Variants in DGKG observed in about 807,000 individuals in gnomAD.
DGKG encodes the protein DAG kinase gamma.
Under a neutral mutation model 105.3 loss-of-function variants are expected in DGKG, and 78 were observed. The observed-to-expected ratio is 0.74, with a 90% CI of 0.62 to 0.89. The LOEUF (loss-of-function observed/expected upper bound fraction) is 0.89. Among genes scored for constraint, DGKG ranks in the 40% least tolerant of loss-of-function variants. The probability of loss-of-function intolerance (pLI) is 0.00; values close to 1 mark genes in which losing one functional copy is unlikely to be tolerated. For missense variants in DGKG, 958 were observed against 1,020.1 expected (o/e 0.94, Z 0.83); for synonymous variants, 346 against 367.1 (o/e 0.94, Z 0.66).
chr3:186,268,495 C>A (rs1722161631), intron 12 of DGKG, among the ~76,000 whole-genome samples: 1 of 152,160 alleles, frequency 6.6e-6, no homozygotes, highest in Non-Finnish European at 1.5e-5. Context: ...AGGTGATAGC[C>A]AGGTAAAAGA....
chr3:186,280,112 C>T (rs1224084993), intron 8 of DGKG, 139 bp from the exon 9 acceptor site: 2 of 1,158,016 alleles, frequency 1.7e-6, no homozygotes, highest in Non-Finnish European at 2.5e-6. Context: ...GTGAATAGAG[C>T]AGACTGGGAG....
At chr3:186,277,994 A>C (rs538049820) in intron 9 of DGKG, among the ~76,000 whole-genome samples, 16 of 152,290 alleles carry the variant, frequency 1.1e-4, no homozygotes, top group Non-Finnish European at 1.8e-4. Context: ...TAAGTGCATA[A>C]AACTCTTGAT....
At chr3:186,281,171 G>C (rs1343332557) in intron 7 of DGKG, 1 of 167,514 alleles carries the variant, frequency 6.0e-6, no homozygotes, top group Non-Finnish European at 1.3e-5. Context: ...CTCTCAGCTC[G>C]AGGCCAGTTT....
intron 20 of DGKG, among the ~76,000 whole-genome samples, chr3:186,232,346 T>G (rs1720190459): frequency 6.6e-6 from 1 of 152,220 alleles, no homozygotes; most frequent in Non-Finnish European, 1.5e-5. Flanking sequence ...GTCAATAAAA[T>G]TGTGCAATTA....
intron 19 of DGKG, 30 bp downstream of exon 19, chr3:186,251,729 A>G (rs1246668622): frequency 6.2e-7 from 1 of 1,613,592 alleles, no homozygotes; most frequent in Non-Finnish European, 8.5e-7. Flanking sequence ...TTTCCCTTCC[A>G]TACAGAAAGG....
chr3:186,309,735 T>A (rs760550017), intron 2 of DGKG, among the ~76,000 whole-genome samples: 2 of 152,200 alleles, frequency 1.3e-5, no homozygotes, highest in African/African-American at 4.8e-5. Flanking sequence ...ATTGAATATA[T>A]GATATTTTGA....
chr3:186,270,830 G>T (rs1243906378), intron 11 of DGKG, among the ~76,000 whole-genome samples: 1 of 152,198 alleles, frequency 6.6e-6, no homozygotes, highest in Non-Finnish European at 1.5e-5. Context: ...TGAAAGACTG[G>T]GTTGCTCCTG....
chr3:186,256,820 C>G (rs561921097), intron 17 of DGKG, among the ~76,000 whole-genome samples: 3 of 152,236 alleles, frequency 2.0e-5, no homozygotes, highest in Non-Finnish European at 4.4e-5. Context: ...ACTTGACTCA[C>G]CCCTCCTCCA....
In DGKG at chr3:186,251,806, C is replaced by T. The variant is rs567012750; in HGVS notation, c.1714G>A (p.Asp572Asn). The T allele has an allele frequency of 1.5e-5, 25 of 1,614,078 alleles. No individual in the cohort carries two copies. Among genetic ancestry groups the T allele is most frequent in the Non-Finnish European group, 2.1e-5 (25 of 1,179,950 alleles). ...TTCATGATGCTGTATGGGACCTGGTCCCCGTTTTCCACTTCCTCTCTGGGG... is the reference window on the plus strand; with the variant it reads ...TTCATGATGCTGTATGGGACCTGGTTCCCGTTTTCCACTTCCTCTCTGGGG... ...VIPREEVENG[D>N]QVPYSIMNNY... Residue 572 changes from aspartate (D) to asparagine (N), a missense_variant, in exon 19 of 25, where the codon GAC (aspartate) becomes AAC (asparagine). This residue lies in a region of DGKG where 315 missense variants were observed against 400.6 expected (regional missense o/e 0.79). Coordinates refer to ENST00000265022, the MANE Select transcript of DGKG (RefSeq NM_001346.3).
intron 21 of DGKG, among the ~76,000 whole-genome samples, chr3:186,197,295 G>A (rs1718227840): frequency 6.6e-6 from 1 of 152,146 alleles, no homozygotes; most frequent in Non-Finnish European, 1.5e-5. Flanking sequence ...GTTCTGATGG[G>A]CTGAGAGGGG....
chr3:186,313,896 C>T (rs1421106180), intron 2 of DGKG, among the ~76,000 whole-genome samples: 2 of 151,892 alleles, frequency 1.3e-5, no homozygotes, highest in Non-Finnish European at 2.9e-5. Flanking sequence ...ACTTCATGAG[C>T]ATTTGATCAA....
intron 2 of DGKG, among the ~76,000 whole-genome samples, chr3:186,307,436 TCA>T (rs1724301942): frequency 1.3e-5 from 2 of 149,672 alleles, no homozygotes; most frequent in Admixed American, 1.3e-4. Context: ...CTTGCAAATT[TCA>T]CTCATTCTTC....
intron 1 of DGKG, among the ~76,000 whole-genome samples, chr3:186,349,053 A>C (rs1726497298): frequency 6.6e-6 from 1 of 151,896 alleles, no homozygotes; most frequent in Non-Finnish European, 1.5e-5. Flanking sequence ...ACATAGGTAC[A>C]CATGTGTCAC....
Position 186,250,701 on chromosome 3 carries a change from C to G in DGKG, c.1761+1058G>C, listed in dbSNP as rs138970827. 8.4e-3 allele frequency among the ~76,000 whole-genome samples: 1,269 copies of G among 151,742 alleles called. 17 individuals carry two copies. Among genetic ancestry groups the G allele is most frequent in the African/African-American group, 0.029 (1,192 of 41,338 alleles). On this transcript the variant is annotated intron_variant, in intron 19 of 24. Coordinates refer to ENST00000265022, the MANE Select transcript of DGKG (RefSeq NM_001346.3). ...AGTAGCTGGGATTACAGGCACCCAC[C>G]ACCACGCTCGGCTAATTTTTATATT...
At chr3:186,191,057 G>A (rs936502527) in intron 21 of DGKG, among the ~76,000 whole-genome samples, 1 of 152,096 alleles carries the variant, frequency 6.6e-6, no homozygotes, top group African/African-American at 2.4e-5. Flanking sequence ...TCATAAATGA[G>A]CCCCAGTGAG....
intron 10 of DGKG, among the ~76,000 whole-genome samples, chr3:186,273,130 C>T (rs570186013): frequency 9.6e-4 from 146 of 152,190 alleles, no homozygotes; most frequent in African/African-American, 3.3e-3. Flanking sequence ...GGGAAGAAAA[C>T]GGCCTCTCTT....
intron 1 of DGKG, among the ~76,000 whole-genome samples, chr3:186,346,748 T>G (rs568099797): frequency 6.6e-6 from 1 of 152,320 alleles, no homozygotes; most frequent in African/African-American, 2.4e-5. Context: ...ATAATTTTTT[T>G]ACGATGGGAT....
At chr3:186,239,723 G>A (rs776831028) in intron 20 of DGKG, among the ~76,000 whole-genome samples, 2 of 152,154 alleles carry the variant, frequency 1.3e-5, no homozygotes, top group African/African-American at 2.4e-5. Context: ...GTGCAAATCC[G>A]TGGGCCTGTC....
At chr3:186,297,552 A>G in intron 4 of DGKG, 69 bp from the exon 5 acceptor site, 2 of 1,107,250 alleles carry the variant, frequency 1.8e-6, no homozygotes, top group South Asian at 2.5e-5. Flanking sequence ...CAGGTACAGG[A>G]CATCCCCATG....
Sources: gnomAD v4.1 joint callset for allele counts (sites outside exome capture counted in the v4.1 genomes callset) on GRCh38, gnomAD v4.1.1 for gene constraint, gnomAD v4.1.1 regional missense constraint, MANE v1.5 for transcripts, NCBI Gene and HGNC (gene_info 2026-07-23, HGNC 2026-07-21) for gene names.